TDRD12: variants seen among roughly 807,000 people sequenced by gnomAD.
The protein encoded by TDRD12 is putative ATP-dependent RNA helicase TDRD12.
In TDRD12, 158 loss-of-function variants were observed where a neutral mutation model predicts 133.5. That is an observed-to-expected ratio of 1.18 (90% CI 1.04 to 1.35). The LOEUF (loss-of-function observed/expected upper bound fraction) is 1.35. TDRD12 is among the 40% of genes most tolerant of loss of function. TDRD12 has a pLI of 0.00. For synonymous variants in TDRD12, 460 were observed against 477.9 expected (o/e 0.96, Z 0.49); for missense variants, 1,443 against 1,321.3 (o/e 1.09, Z -1.43).
At chr19:32,799,073 T>G (rs897351772) in intron 16 of TDRD12, among the ~76,000 whole-genome samples, 1 of 150,466 alleles carries the variant, frequency 6.6e-6, no homozygotes, top group African/African-American at 2.5e-5. Flanking sequence ...TGCACCTGTT[T>G]CCTTTAGGAT....
chr19:32,731,360 G>A (rs74624231), intron 1 of TDRD12, among the ~76,000 whole-genome samples: 293 of 152,034 alleles, frequency 1.9e-3, no homozygotes, highest in African/African-American at 6.7e-3. Context: ...TTTGAGACTA[G>A]CCTGGGCAAA....
chr19:32,791,849 C>G (rs1212196559), intron 13 of TDRD12, among the ~76,000 whole-genome samples: 1 of 151,682 alleles, frequency 6.6e-6, no homozygotes, highest in Non-Finnish European at 1.5e-5. Context: ...CATGTGATGA[C>G]AAGAGTCCCC....
intron 2 of TDRD12, 137 bp downstream of exon 2, chr19:32,732,020 T>A (rs1191396926): frequency 2.3e-6 from 2 of 881,582 alleles, no homozygotes; most frequent in Non-Finnish European, 3.3e-6. Context: ...AGGTTTTTTT[T>A]TGAGATGGAG....
intron 14 of TDRD12, chr19:32,796,028 T>G (rs573530793): frequency 4.5e-4 from 183 of 409,888 alleles, no homozygotes; most frequent in African/African-American, 3.9e-3. Context: ...GATGCAGAGC[T>G]AAACCATTTC....
At chr19:32,787,821 ACTG>A (rs1398576027) in intron 11 of TDRD12, among the ~76,000 whole-genome samples, 1 of 152,166 alleles carries the variant, frequency 6.6e-6, no homozygotes, top group Non-Finnish European at 1.5e-5. Flanking sequence ...GCAGGAGTAT[ACTG>A]CTCCTCCAGG....
chr19:32,815,525 C>T, exon 26 of TDRD12: 1 of 1,536,332 alleles, frequency 6.5e-7, no homozygotes, highest in Non-Finnish European at 8.7e-7. Context: ...TGTCCATGGG[C>T]ATGGGCATTG....
intron 1 of TDRD12, among the ~76,000 whole-genome samples, chr19:32,721,599 C>G (rs1029706380): frequency 3.9e-5 from 6 of 151,954 alleles, no homozygotes; most frequent in Admixed American, 2.0e-4. Flanking sequence ...TGGCTGTTCT[C>G]GAACTCCTGA....
chr19:32,734,717 C>T lies in TDRD12; in HGVS notation c.183+2834C>T, dbSNP rs112711253. Among the ~76,000 whole-genome samples, 23 of 152,204 alleles carry T rather than the reference C, an allele frequency of 1.5e-4. 1 individual carries two copies. The highest frequency in any genetic ancestry group is 5.3e-4 in the African/African-American group (22 of 41,524). Reference sequence around the variant, plus strand: ...AACAGACCTCATTTTATTGTGAATTCGCAGTAACTATGTTTTTTTACAAAT... The same window carrying T: ...AACAGACCTCATTTTATTGTGAATTTGCAGTAACTATGTTTTTTTACAAAT... On this transcript the variant is annotated intron_variant, in intron 2 of 27. Coordinates refer to ENST00000444215, the Ensembl canonical transcript of TDRD12.
intron 8 of TDRD12, among the ~76,000 whole-genome samples, chr19:32,766,162 A>G (rs1970290568): frequency 6.6e-6 from 1 of 152,172 alleles, no homozygotes; most frequent in African/African-American, 2.4e-5. Flanking sequence ...CCAATCTGTC[A>G]ATCTCTGTCT....
At chr19:32,810,542 C>G (rs1439608276) in intron 23 of TDRD12, among the ~76,000 whole-genome samples, 2 of 152,210 alleles carry the variant, frequency 1.3e-5, no homozygotes, top group African/African-American at 4.8e-5. Context: ...TGCCAAGTTC[C>G]TATCAAGTGG....
At chr19:32,804,665 C>T (rs1424568324) in intron 21 of TDRD12, among the ~76,000 whole-genome samples, 3 of 148,880 alleles carry the variant, frequency 2.0e-5, no homozygotes, top group African/African-American at 5.0e-5. Flanking sequence ...TGCACTCCAG[C>T]CTGGAGACAC....
At chr19:32,783,223 C>G (rs1970817140) in intron 11 of TDRD12, among the ~76,000 whole-genome samples, 1 of 152,160 alleles carries the variant, frequency 6.6e-6, no homozygotes, top group Admixed American at 6.5e-5. Context: ...AATAGAGAAT[C>G]TTTTCCCCAT....
intron 1 of TDRD12, among the ~76,000 whole-genome samples, chr19:32,723,789 A>G (rs1968769597): frequency 6.6e-6 from 1 of 151,878 alleles, no homozygotes; most frequent in Non-Finnish European, 1.5e-5. Flanking sequence ...TCAGTGTTTT[A>G]TAACTTTCAG....
In TDRD12 at chr19:32,798,484, C is replaced by T. The variant is rs1293833959; in HGVS notation, c.1758+49C>T. ...GCACTCAGAAGAGAGGCGTGATTAA[C>T]ATGCTAACTGATGGCAGGAAGGAGG... is the stretch of plus-strand genomic sequence containing the variant. On this transcript the variant is annotated intron_variant, in intron 16 of 27. Transcript: ENST00000444215. 5 of 1,441,962 alleles carry T rather than the reference C, an allele frequency of 3.5e-6. No individual in the cohort carries two copies. In the South Asian group the frequency reaches 5.6e-5, roughly 16 times the overall value. The allele number at this position is 1,441,962 out of a possible 1,614,324, so 89.3% of individuals were successfully genotyped here. A position where few individuals can be genotyped will look rare whatever the true frequency, so the allele number is the denominator to read the frequency against.
intron 4 of TDRD12, among the ~76,000 whole-genome samples, chr19:32,746,599 G>A (rs1969641424): frequency 1.4e-5 from 2 of 143,798 alleles, no homozygotes; most frequent in South Asian, 4.7e-4. Context: ...TCTGGCTGAT[G>A]TGGTTATTCT....
chr19:32,750,675 C>T (rs1969797444), intron 6 of TDRD12, among the ~76,000 whole-genome samples: 1 of 152,190 alleles, frequency 6.6e-6, no homozygotes, highest in African/African-American at 2.4e-5. Context: ...CCTCCCACTG[C>T]GCCTGTTTGT....
At chr19:32,810,131 T>C (rs1966949113) in exon 23 of TDRD12, 1 of 1,528,566 alleles carries the variant, frequency 6.5e-7, no homozygotes, top group Non-Finnish European at 8.7e-7. Context: ...CAAATTACTT[T>C]GGCCGTATAG....
At chr19:32,747,597 CTTTTCCTACAAT>C (rs1244738184) in intron 4 of TDRD12, among the ~76,000 whole-genome samples, 6 of 152,172 alleles carry the variant, frequency 3.9e-5, no homozygotes, top group African/African-American at 1.4e-4. Flanking sequence ...CTGCCTACAG[CTTTTCCTACAAT>C]TTTCTTTGCA....
intron 21 of TDRD12, among the ~76,000 whole-genome samples, chr19:32,805,729 CTTT>C (rs397860060): frequency 1.2e-4 from 14 of 118,864 alleles, no homozygotes; most frequent in East Asian, 4.7e-4. Flanking sequence ...TTTTTTTTAT[CTTT>C]TTTTTTTTTT....
Sources: gnomAD v4.1 joint callset for allele counts (sites outside exome capture counted in the v4.1 genomes callset) on GRCh38, gnomAD v4.1.1 for gene constraint, MANE v1.5 for transcripts, NCBI Gene and HGNC (gene_info 2026-07-23, HGNC 2026-07-21) for gene names.